The following ITGA1 variants were observed in gnomAD, a reference collection of about 807,000 sequenced individuals.
ITGA1 encodes the protein integrin subunit alpha 1.
In ITGA1, 85 loss-of-function variants were observed where a neutral mutation model predicts 145.9. That is an observed-to-expected ratio of 0.58 (90% CI 0.49 to 0.70). The LOEUF is 0.70. Among genes scored for constraint, ITGA1 ranks in the 30% least tolerant of loss-of-function variants. The pLI, the probability that ITGA1 is intolerant of heterozygous loss-of-function variation, is 0.00. For synonymous variants in ITGA1, 520 were observed against 495.3 expected (o/e 1.05, Z -0.66); for missense variants, 1,351 against 1,418.7 (o/e 0.95, Z 0.77).
chr5:52,860,912 T>C (rs1208263226), intron 2 of ITGA1, among the ~76,000 whole-genome samples: 3 of 152,244 alleles, frequency 2.0e-5, no homozygotes, highest in Non-Finnish European at 4.4e-5. Flanking sequence ...TAAGCACTTA[T>C]AAACTAGCAC....
At chr5:52,910,832 C>A (rs1177273946) in intron 14 of ITGA1, among the ~76,000 whole-genome samples, 1 of 140,518 alleles carries the variant, frequency 7.1e-6, no homozygotes, top group Admixed American at 7.3e-5. Flanking sequence ...ATGTAGTGTG[C>A]ATATGGTATA....
In ITGA1 at chr5:52,894,971, A is replaced by G. The variant is rs558217567; in HGVS notation, c.1090+1131A>G. 2.0e-5 allele frequency among the ~76,000 whole-genome samples: 3 copies of G among 152,102 alleles called. No homozygotes were observed. In the East Asian group the frequency reaches 5.8e-4, roughly 29 times the overall value. ...GAGTGTGACTCACGATAATAACTAC[A>G]TTTTGCTTTTTGACCCAGTGCACAT... On this transcript the variant is annotated intron_variant, in intron 9 of 28. Coordinates refer to ENST00000282588, the MANE Select transcript of ITGA1 (RefSeq NM_181501.2).
At chr5:52,919,564 A>G (rs1287264488) in intron 16 of ITGA1, among the ~76,000 whole-genome samples, 1 of 152,194 alleles carries the variant, frequency 6.6e-6, no homozygotes, top group African/African-American at 2.4e-5. Context: ...ACCAAATACA[A>G]GCAGAATGAG....
chr5:52,809,651 G>A (rs1002952157), intron 1 of ITGA1, among the ~76,000 whole-genome samples: 1 of 151,912 alleles, frequency 6.6e-6, no homozygotes, highest in Admixed American at 6.6e-5. Flanking sequence ...GATTACAGGT[G>A]CGTGCCACCA....
At chr5:52,893,147 T>A (rs1321813473) in intron 8 of ITGA1, among the ~76,000 whole-genome samples, 5 of 152,182 alleles carry the variant, frequency 3.3e-5, no homozygotes, top group Admixed American at 2.6e-4. Flanking sequence ...CAAACAAGAA[T>A]ATCTCAATTG....
At position 52,956,592 on chromosome 5, in the gene ITGA1, G is replaced by A. The variant is rs1472093971; in HGVS notation, c.*4141G>A. ...CATAGTATAATGGAGGAGGGACAAA[G>A]CAGAATATACTTCCAAGCTGGAACA... On this transcript the variant is annotated 3_prime_UTR_variant, in exon 29 of 29. Coordinates refer to ENST00000282588, the MANE Select transcript of ITGA1 (RefSeq NM_181501.2). 6.6e-6 allele frequency: 1 copy of A among 152,214 alleles called. No homozygotes were observed. The highest frequency in any genetic ancestry group is 1.5e-5 in the Non-Finnish European group (1 of 68,046). 9.4% of individuals were successfully genotyped at this position (152,214 alleles called of 1,614,324 possible).
chr5:52,801,068 C>T, intron 1 of ITGA1: 2 of 1,612,170 alleles, frequency 1.2e-6, no homozygotes, highest in Non-Finnish European at 1.7e-6. Flanking sequence ...TTTCAACAAG[C>T]AGTGAAGACC....
At chr5:52,859,039 G>A (rs1316333713) in intron 2 of ITGA1, among the ~76,000 whole-genome samples, 1 of 152,084 alleles carries the variant, frequency 6.6e-6, no homozygotes, top group Admixed American at 6.5e-5. Context: ...TCATGGAGAA[G>A]ATTAAATTAT....
chr5:52,910,097 T>A, intron 13 of ITGA1, 65 bp from the exon 14 acceptor site: 1 of 1,470,372 alleles, frequency 6.8e-7, no homozygotes, highest in Non-Finnish European at 9.3e-7. Flanking sequence ...TAGTATACTT[T>A]AAAAATTCTA....
In ITGA1 at chr5:52,934,006, T is replaced by C; in HGVS notation, c.2964+10T>C. ...TAATATCTTCTACTTGGTAAGAAAT[T>C]ACCTCTAAAATAGTATTCTAAAGGA... On this transcript the variant is annotated intron_variant, in intron 23 of 28. Coordinates refer to ENST00000282588, the MANE Select transcript of ITGA1 (RefSeq NM_181501.2). 8.4e-7 allele frequency: 1 copy of C among 1,191,066 alleles called. No homozygotes were observed. The allele number at this position is 1,191,066 out of a possible 1,614,324, so 73.8% of individuals were successfully genotyped here. A position where few individuals can be genotyped will look rare whatever the true frequency, so the allele number is the denominator to read the frequency against.
At chr5:52,923,110 T>A (rs1466431459) in intron 18 of ITGA1, among the ~76,000 whole-genome samples, 1 of 152,164 alleles carries the variant, frequency 6.6e-6, no homozygotes, top group African/African-American at 2.4e-5. Context: ...CTGGGGAATT[T>A]TAAGGAGTTA....
In ITGA1 at chr5:52,861,782, A is replaced by G. The variant is rs557863365; in HGVS notation, c.295+223A>G. Among the ~76,000 whole-genome samples, 20 of 150,840 alleles carry G rather than the reference A, an allele frequency of 1.3e-4. No homozygotes were observed. In the East Asian group the frequency reaches 3.9e-3, roughly 30 times the overall value. On this transcript the variant is annotated intron_variant, in intron 3 of 28. Transcript: ENST00000282588. The stretch of plus-strand genomic sequence containing the variant: ...CTACTCAAGAGGATGAAGTGTGAGG[A>G]TCGCTTGAGCTCAGGAGTTTGAGAC...
intron 7 of ITGA1, among the ~76,000 whole-genome samples, chr5:52,887,089 A>G (rs908912952): frequency 6.6e-6 from 1 of 151,906 alleles, no homozygotes. Context: ...CCTCCTCTCC[A>G]TTGCCATCTT....
In ITGA1 at chr5:52,953,575, G is replaced by C. The variant is rs974797433; in HGVS notation, c.*1124G>C. 4.6e-5 allele frequency: 7 copies of C among 152,106 alleles called. No homozygotes were observed. Among genetic ancestry groups the C allele is most frequent in the Non-Finnish European group, 8.8e-5 (6 of 68,014 alleles). 9.4% of individuals were successfully genotyped at this position (152,106 alleles called of 1,614,324 possible). A position where few individuals can be genotyped will look rare whatever the true frequency, so the allele number is the denominator to read the frequency against. On this transcript the variant is annotated 3_prime_UTR_variant, in exon 29 of 29. Transcript: ENST00000282588. ...GAAGTCACTGCTTTTTAGGTGTGTT[G>C]CATCAATATTTAAATAAAATCCCAG...
chr5:52,918,907 A>C lies in ITGA1; in HGVS notation c.2155+9A>C. The stretch of plus-strand genomic sequence containing the variant: ...CACGATTTATGAAGCTGGTAAGCAA[A>C]ATAATTATAGCAAGTACTTTTGGGT... On this transcript the variant is annotated intron_variant, in intron 16 of 28. Transcript: ENST00000282588. 1 of 1,585,288 alleles carries C rather than the reference A, an allele frequency of 6.3e-7. No individual in the cohort carries two copies. Among genetic ancestry groups the C allele is most frequent in the Non-Finnish European group, 8.6e-7 (1 of 1,168,690 alleles).
At chr5:52,917,023 C>T (rs1416676120) in intron 15 of ITGA1, among the ~76,000 whole-genome samples, 5 of 152,088 alleles carry the variant, frequency 3.3e-5, no homozygotes, top group Non-Finnish European at 7.4e-5. Flanking sequence ...TGGACCAAAC[C>T]GATATACTGG....
chr5:52,844,725 A>G (rs1749307539), intron 1 of ITGA1, among the ~76,000 whole-genome samples: 1 of 151,884 alleles, frequency 6.6e-6, no homozygotes, highest in Non-Finnish European at 1.5e-5. Flanking sequence ...ATCTATGTTT[A>G]TTTCCCATTA....
intron 1 of ITGA1, among the ~76,000 whole-genome samples, chr5:52,813,990 C>T (rs1748724308): frequency 6.6e-6 from 1 of 152,146 alleles, no homozygotes; most frequent in Non-Finnish European, 1.5e-5. Context: ...TGTTCAAATC[C>T]CAGCTCAGCC....
At chr5:52,888,067 G>A in intron 8 of ITGA1, 102 bp downstream of exon 8, 1 of 1,217,204 alleles carries the variant, frequency 8.2e-7, no homozygotes, top group South Asian at 1.5e-5. Context: ...GGTTGGAAAA[G>A]AGAAAGGTCT....
Sources: allele counts gnomAD v4.1 joint callset (sites outside exome capture counted in the v4.1 genomes callset), GRCh38; gene constraint gnomAD v4.1.1; transcripts MANE v1.5; gene names NCBI Gene and HGNC (gene_info 2026-07-23, HGNC 2026-07-21).